Variants in C9 observed in about 807,000 individuals in gnomAD.
C9 encodes the protein complement C9.
C9 carries 63 observed loss-of-function variants against 65.4 expected under a neutral mutation model. The ratio of observed to expected loss-of-function variants is 0.96; its 90% CI spans 0.79 to 1.19. The LOEUF (loss-of-function observed/expected upper bound fraction) is 1.19, where lower values mean the gene tolerates loss of function less well. C9 is among the 50% of genes most tolerant of loss of function. The probability of loss-of-function intolerance (pLI) is 0.00; values close to 1 mark genes in which losing one functional copy is unlikely to be tolerated. For missense variants in C9, 744 were observed against 670.1 expected (o/e 1.11, Z -1.22); for synonymous variants, 229 against 227.9 (o/e 1.00, Z -0.04).
intron 1 of C9, among the ~76,000 whole-genome samples, chr5:39,343,047 C>T (rs1268128331): frequency 3.3e-5 from 5 of 152,138 alleles, no homozygotes; most frequent in Admixed American, 3.3e-4. Context: ...GCCTCTTAAA[C>T]CACAGAAAAG....
chr5:39,354,914 G>A (rs1284163518), intron 1 of C9, among the ~76,000 whole-genome samples: 1 of 152,162 alleles, frequency 6.6e-6, no homozygotes, highest in Non-Finnish European at 1.5e-5. Context: ...GGAGGTAAAG[G>A]AATCTCATTG....
At chr5:39,341,028 C>G in intron 4 of C9, 118 bp downstream of exon 4, 1 of 1,084,874 alleles carries the variant, frequency 9.2e-7, no homozygotes, top group Non-Finnish European at 1.4e-6. Context: ...TAATACAGAC[C>G]CATCAGCTGT....
At chr5:39,290,136 T>C (rs1753061424) in intron 9 of C9, among the ~76,000 whole-genome samples, 1 of 151,792 alleles carries the variant, frequency 6.6e-6, no homozygotes. Flanking sequence ...TTTGAAAGTT[T>C]TTAAATGGAG....
intron 9 of C9, among the ~76,000 whole-genome samples, chr5:39,289,431 T>C (rs1016840953): frequency 3.3e-4 from 44 of 134,434 alleles, no homozygotes; most frequent in Admixed American, 4.9e-4. Flanking sequence ...CTTTTTCTAA[T>C]TTCTTTCTTG....
In C9 at chr5:39,359,012, T is replaced by A. The variant is rs1215079314; in HGVS notation, c.77+5376A>T. The stretch of plus-strand genomic sequence containing the variant: ...AAAAATAAATAAATAAATAAATAAA[T>A]AAAAAATATATATATATATATATAT... On this transcript the variant is annotated intron_variant, in intron 1 of 10. Coordinates refer to ENST00000263408, the MANE Select transcript of C9 (RefSeq NM_001737.5). 7.2e-3 allele frequency among the ~76,000 whole-genome samples: 203 copies of A among 28,132 alleles called. 1 individual carries two copies. The highest frequency in any genetic ancestry group is 0.033 in the African/African-American group (196 of 5,914). The allele number at this position is 28,132 out of a possible 152,430, so 18.5% of individuals were successfully genotyped here.
intron 1 of C9, among the ~76,000 whole-genome samples, chr5:39,359,852 A>G (rs1228157712): frequency 1.3e-5 from 2 of 152,214 alleles, no homozygotes; most frequent in African/African-American, 4.8e-5. Context: ...AATGTGTTCA[A>G]CATTATACTG....
chr5:39,324,914 G>C (rs1473191627), intron 5 of C9, among the ~76,000 whole-genome samples: 30 of 152,096 alleles, frequency 2.0e-4, no homozygotes, highest in Admixed American at 2.0e-3. Flanking sequence ...GTTCTAGGAG[G>C]CCAGACATAT....
chr5:39,331,606 G>T, intron 5 of C9, 70 bp downstream of exon 5: 4 of 1,240,436 alleles, frequency 3.2e-6, no homozygotes, highest in Non-Finnish European at 4.8e-6. Context: ...CACATTGTTT[G>T]GTACTAAACT....
At chr5:39,300,934 A>G (rs896860381) in intron 9 of C9, among the ~76,000 whole-genome samples, 6 of 152,066 alleles carry the variant, frequency 3.9e-5, no homozygotes, top group African/African-American at 9.7e-5. Context: ...GAGAGTTAAT[A>G]TTTTTCGTGT....
At chr5:39,350,571 G>A (rs2111973639) in intron 1 of C9, among the ~76,000 whole-genome samples, 1 of 150,342 alleles carries the variant, frequency 6.7e-6, no homozygotes, top group African/African-American at 2.5e-5. Context: ...TAGGGTAAAT[G>A]CTCCCTTTCC....
At chr5:39,320,951 A>C (rs1489070923) in intron 5 of C9, among the ~76,000 whole-genome samples, 1 of 152,170 alleles carries the variant, frequency 6.6e-6, no homozygotes, top group Non-Finnish European at 1.5e-5. Context: ...TAAATGATGA[A>C]GGAATAAAAA....
At position 39,315,802 on chromosome 5, in the gene C9, T is replaced by C. The variant is rs1321991679; in HGVS notation, c.843A>G (p.Gln281=). The C allele has an allele frequency of 1.9e-6, 3 of 1,604,962 alleles. No homozygotes were observed. In the South Asian group the frequency reaches 3.3e-5, roughly 18 times the overall value. Residue 281 remains glutamine (Q), a synonymous_variant, in exon 6 of 11, where the codon CAA becomes CAG. Coordinates refer to ENST00000263408, the MANE Select transcript of C9 (RefSeq NM_001737.5). ...TCTTTGAAGAATATGACAAAAATAG[T>C]TGGTAAGTTTCATTTTTGGAATATG... ...RFSYSKNETY[Q]LFLSYSSKKE...
chr5:39,315,928 T>C lies in C9; in HGVS notation c.717A>G (p.Ile239Met). The change falls in exon 6 of 11, where the codon ATA becomes ATG. Residue 239 changes from isoleucine (I) to methionine (M), a missense_variant. Coordinates refer to ENST00000263408, the MANE Select transcript of C9 (RefSeq NM_001737.5). ...QEKTSNFNAA[I>M]SLKFTPTETN... ...TTTCAGTGGGTGTAAATTTTAGAGA[T>C]ATAGCTGCATTAAAATTTGATGTCT... is the stretch of plus-strand genomic sequence containing the variant. 6.2e-7 allele frequency: 1 copy of C among 1,611,256 alleles called. No homozygotes were observed. Among genetic ancestry groups the C allele is most frequent in the Non-Finnish European group, 8.5e-7 (1 of 1,177,612 alleles).
intron 9 of C9, among the ~76,000 whole-genome samples, chr5:39,295,997 T>C (rs1462144703): frequency 6.6e-6 from 1 of 151,626 alleles, no homozygotes; most frequent in Non-Finnish European, 1.5e-5. Context: ...AAGAATAAAA[T>C]TAACCCCCCA....
At chr5:39,354,775 C>T (rs546685799) in intron 1 of C9, among the ~76,000 whole-genome samples, 1 of 152,272 alleles carries the variant, frequency 6.6e-6, no homozygotes, top group Non-Finnish European at 1.5e-5. Context: ...TTGTAACCCC[C>T]TGCATAGCTA....
intron 1 of C9, among the ~76,000 whole-genome samples, chr5:39,359,508 G>A (rs1021611823): frequency 1.1e-4 from 17 of 152,094 alleles, no homozygotes; most frequent in African/African-American, 7.2e-5. Flanking sequence ...TTCATACCAC[G>A]AGACCGGATG....
intron 1 of C9, among the ~76,000 whole-genome samples, chr5:39,361,049 A>G (rs1056401493): frequency 1.3e-5 from 2 of 152,180 alleles, no homozygotes; most frequent in Non-Finnish European, 2.9e-5. Flanking sequence ...TTAATCAGCT[A>G]TGACAATGAG....
At chr5:39,349,114 A>C (rs1319096135) in intron 1 of C9, among the ~76,000 whole-genome samples, 2 of 152,074 alleles carry the variant, frequency 1.3e-5, no homozygotes, top group Non-Finnish European at 2.9e-5. Context: ...TGACACATGT[A>C]TACATATGTA....
At position 39,341,613 on chromosome 5, in the gene C9, TG is replaced by T. The variant is rs1161934815; in HGVS notation, c.270del (p.Thr91GlnfsTer23). On this transcript the variant is annotated frameshift_variant, in exon 3 of 11. Transcript: ENST00000263408. LOFTEE classifies it high-confidence loss of function. ...TCCTCAGCATCCTCACAGGGCTCTGTGGGCACACACTGTCGTCTGTCTCCCA... is the reference window on the plus strand; with the variant it reads ...TCCTCAGCATCCTCACAGGGCTCTGTGGCACACACTGTCGTCTGTCTCCCA... ...DAVGDRRQCVPTEPCEDAEDD... is the reference protein window; with the variant it reads ...DAVGDRRQCVXTEPCEDAEDD... The T allele has an allele frequency of 6.2e-7, 1 of 1,614,092 alleles. No individual in the cohort carries two copies.
Sources: allele counts gnomAD v4.1 joint callset (sites outside exome capture counted in the v4.1 genomes callset), GRCh38; gene constraint gnomAD v4.1.1; transcripts MANE v1.5; gene names NCBI Gene and HGNC (gene_info 2026-07-23, HGNC 2026-07-21).